Variants in LAMB4 observed in about 807,000 individuals in gnomAD.
The protein encoded by LAMB4 is laminin subunit beta 4.
Under a neutral mutation model 199.2 loss-of-function variants are expected in LAMB4, and 196 were observed. The ratio of observed to expected loss-of-function variants is 0.98; its 90% CI spans 0.88 to 1.11. LAMB4 has a LOEUF of 1.11. Among genes scored for constraint, LAMB4 ranks in the 50% least tolerant of loss-of-function variants. The probability of loss-of-function intolerance (pLI) is 0.00; values close to 1 mark genes in which losing one functional copy is unlikely to be tolerated. For missense variants in LAMB4, 2,080 were observed against 2,171.2 expected (o/e 0.96, Z 0.83); for synonymous variants, 744 against 770.6 (o/e 0.97, Z 0.57).
intron 23 of LAMB4, among the ~76,000 whole-genome samples, chr7:108,059,965 C>T (rs1371699226): frequency 6.6e-6 from 1 of 152,162 alleles, no homozygotes; most frequent in Non-Finnish European, 1.5e-5. Context: ...TCTCCAACTC[C>T]ATCTAAAGTG....
chr7:108,097,151 C>T (rs752695380), intron 11 of LAMB4, among the ~76,000 whole-genome samples: 2 of 151,978 alleles, frequency 1.3e-5, no homozygotes, highest in Admixed American at 6.5e-5. Context: ...TTAAGAAGAG[C>T]GTTTTATTAC....
intron 28 of LAMB4, among the ~76,000 whole-genome samples, chr7:108,045,416 CCTT>C (rs1398075546): frequency 6.6e-6 from 1 of 152,202 alleles, no homozygotes; most frequent in African/African-American, 2.4e-5. Flanking sequence ...CACTCTTCCT[CCTT>C]CTAATCAAGA....
At chr7:108,098,255 C>T (rs2037690417) in intron 11 of LAMB4, 148 bp downstream of exon 11, 3 of 532,718 alleles carry the variant, frequency 5.6e-6, no homozygotes, top group Non-Finnish European at 6.2e-6. Flanking sequence ...ATTGCTTGAA[C>T]CTGGGAGGTG....
At chr7:108,112,528 A>G (rs2038267632) in intron 3 of LAMB4, among the ~76,000 whole-genome samples, 2 of 152,236 alleles carry the variant, frequency 1.3e-5, no homozygotes, top group African/African-American at 4.8e-5. Context: ...CTTGGCCTCA[A>G]GTGATCTGCC....
intron 9 of LAMB4, among the ~76,000 whole-genome samples, chr7:108,103,662 T>C (rs1261895612): frequency 1.3e-5 from 2 of 152,204 alleles, no homozygotes; most frequent in Non-Finnish European, 2.9e-5. Flanking sequence ...CTGGCCCCTC[T>C]TTCCACAGCA....
At chr7:108,118,074 A>G (rs1035214182) in intron 2 of LAMB4, among the ~76,000 whole-genome samples, 2 of 152,278 alleles carry the variant, frequency 1.3e-5, no homozygotes, top group East Asian at 3.9e-4. Context: ...CTCCTATTCA[A>G]GATGGAGTTG....
At chr7:108,098,279 G>A (rs956826557) in intron 11 of LAMB4, 124 bp downstream of exon 11, 1 of 448,656 alleles carries the variant, frequency 2.2e-6, no homozygotes, top group African/African-American at 2.7e-5. Flanking sequence ...GTTGGAGTGA[G>A]CCGAGATTTT....
chr7:108,069,071 A>G (rs1310268429), intron 18 of LAMB4, among the ~76,000 whole-genome samples: 1 of 152,192 alleles, frequency 6.6e-6, no homozygotes, highest in Non-Finnish European at 1.5e-5. Flanking sequence ...TCCTAATGGA[A>G]AAAGCATTTG....
rs768066977 is a variant in LAMB4 at position 108,079,693 on chromosome 7, C to A, written c.1795G>T (p.Ala599Ser). Reference protein sequence around the residue: ...NPVTWTGPGFARVLPGAGLRF... With the variant: ...NPVTWTGPGFSRVLPGAGLRF... ...AAGCCAGCCCCAGGGAGAACCCTGG[C>A]AAATCCAGGTCCAGTCCATGTAACA... is the stretch of plus-strand genomic sequence containing the variant. The change falls in exon 15 of 34, where the codon GCC becomes TCC. Residue 599 changes from alanine (A) to serine (S), a missense_variant. Physicochemically the swap from Ala to Ser is moderately conservative, Grantham distance 99. Coordinates refer to ENST00000388781, the MANE Select transcript of LAMB4 (RefSeq NM_007356.3). 49 of 1,612,896 alleles carry A rather than the reference C, an allele frequency of 3.0e-5. 1 individual carries two copies. The South Asian group carries it at 5.3e-4, about 17-fold the overall frequency.
chr7:108,078,046 T>A (rs187839892), intron 16 of LAMB4, among the ~76,000 whole-genome samples, 155 bp downstream of exon 16: 1 of 152,242 alleles, frequency 6.6e-6, no homozygotes, highest in South Asian at 2.1e-4. Context: ...TGATATTAAA[T>A]GTAAAGCATA....
At chr7:108,041,861 C>T (rs1438982703) in intron 29 of LAMB4, among the ~76,000 whole-genome samples, 3 of 152,042 alleles carry the variant, frequency 2.0e-5, no homozygotes, top group Admixed American at 6.6e-5. Flanking sequence ...AGTTTACAAA[C>T]CTGCACATGT....
At chr7:108,078,353 G>T in intron 15 of LAMB4, 37 bp from the exon 16 acceptor site, 1 of 1,315,224 alleles carries the variant, frequency 7.6e-7, no homozygotes, top group East Asian at 2.4e-5. Flanking sequence ...TCACTGCAAG[G>T]ATGCAGGAAA....
chr7:108,049,570 AAAC>A (rs765763900), intron 26 of LAMB4, 39 bp from the exon 27 acceptor site: 5 of 1,170,634 alleles, frequency 4.3e-6, no homozygotes, highest in African/African-American at 1.6e-5. Context: ...AATTTTGTGA[AAAC>A]AAATGAAATT....
chr7:108,081,827 G>T (rs2036954613), intron 14 of LAMB4, among the ~76,000 whole-genome samples: 2 of 152,298 alleles, frequency 1.3e-5, no homozygotes, highest in Middle Eastern at 3.4e-3. Flanking sequence ...TGCATCCTTT[G>T]ATGTTCCAGT....
the LAMB4 span, among the ~76,000 whole-genome samples, chr7:108,015,770 T>TTTTTTTTTTTTTTTTA: frequency 6.9e-6 from 1 of 145,412 alleles, no homozygotes. Context: ...TTTTTTTTTT[T>TTTTTTTTTTTTTTTTA]ACTTAAGACT....
At chr7:108,063,050 CA>C (rs1184681012) in intron 22 of LAMB4, 56 bp from the exon 23 acceptor site, 23 of 1,153,946 alleles carry the variant, frequency 2.0e-5, no homozygotes, top group Non-Finnish European at 2.8e-5. Flanking sequence ...TGGCATTTAG[CA>C]AACCATACAA....
At chr7:108,094,398 T>C (rs2037520343) in intron 12 of LAMB4, among the ~76,000 whole-genome samples, 1 of 152,192 alleles carries the variant, frequency 6.6e-6, no homozygotes, top group Non-Finnish European at 1.5e-5. Context: ...GAATCCCTTC[T>C]TCATATTTCC....
rs115156848 is a variant in LAMB4 at position 108,100,356 on chromosome 7, G to A, written c.1181-1774C>T. Among the ~76,000 whole-genome samples, 296 of 152,186 alleles carry A rather than the reference G, an allele frequency of 1.9e-3. 1 individual carries two copies. Among genetic ancestry groups the A allele is most frequent in the African/African-American group, 6.7e-3 (277 of 41,542 alleles). On this transcript the variant is annotated intron_variant, in intron 10 of 33. Transcript: ENST00000388781. ...TGGAATCTGCTTATGTAAATATTTAGGTTCAAACAAGGACAACTTAGAGAA... is the reference window on the plus strand; with the variant it reads ...TGGAATCTGCTTATGTAAATATTTAAGTTCAAACAAGGACAACTTAGAGAA...
chr7:108,062,027 C>A (rs1315353063), intron 23 of LAMB4, among the ~76,000 whole-genome samples: 2 of 152,198 alleles, frequency 1.3e-5, no homozygotes, highest in African/African-American at 4.8e-5. Flanking sequence ...TGTTTTTACC[C>A]TTTCTCCCCC....
Sources: gnomAD v4.1 joint callset for allele counts (sites outside exome capture counted in the v4.1 genomes callset) on GRCh38, gnomAD v4.1.1 for gene constraint, MANE v1.5 for transcripts, NCBI Gene and HGNC (gene_info 2026-07-23, HGNC 2026-07-21) for gene names.